TRIP12: variants seen among roughly 807,000 people sequenced by gnomAD.
TRIP12 encodes the protein thyroid hormone receptor interactor 12, also known as E3 ubiquitin-protein ligase TRIP12.
A neutral mutation model predicts 244.2 loss-of-function variants in TRIP12; 25 were observed. The observed-to-expected ratio is 0.10, with a 90% CI of 0.07 to 0.14. The LOEUF is 0.14. TRIP12 is among the 10% of genes least tolerant of loss of function. TRIP12 has a pLI of 1.00. For synonymous variants in TRIP12, 905 were observed against 873.1 expected (o/e 1.04, Z -0.64); for missense variants, 1,677 against 2,486.4 (o/e 0.67, Z 6.92).
chr2:229,894,970 G>A (rs73998706), intron 1 of TRIP12, among the ~76,000 whole-genome samples: 2 of 152,074 alleles, frequency 1.3e-5, no homozygotes, highest in Non-Finnish European at 2.9e-5. Context: ...TTTAGGCCTC[G>A]GAAAATGCTA....
chr2:229,811,145 C>G lies in TRIP12; in HGVS notation c.2046G>C (p.Gln682His). Residue 682 changes from glutamine (Q) to histidine (H), a missense_variant, in exon 14 of 42, where the codon CAG becomes CAC. By Grantham distance (24) the Gln-to-His change is conservative. Around this residue, in one of 11 missense-constraint regions of TRIP12, gnomAD observed 572 missense variants for 867.8 expected, o/e 0.66. Transcript: ENST00000675903. ...LCFARLVDNF[Q>H]HEENLLQQVA... is the part of the protein sequence containing the mutation. ...AAGACTAAACACTTACCTCCTCATG[C>G]TGGAAGTTGTCCACTAGGCGTGCAA... The G allele has an allele frequency of 6.2e-7, 1 of 1,614,046 alleles. No individual in the cohort carries two copies. Among genetic ancestry groups the G allele is most frequent in the East Asian group, 2.2e-5 (1 of 44,866 alleles).
chr2:229,895,969 G>C (rs1293277887), intron 1 of TRIP12, among the ~76,000 whole-genome samples: 2 of 151,950 alleles, frequency 1.3e-5, no homozygotes, highest in East Asian at 3.9e-4. Context: ...CTGGGCAACA[G>C]AGTGAGACAC....
At chr2:229,809,306 AT>A (rs1335765266) in intron 15 of TRIP12, among the ~76,000 whole-genome samples, 2 of 151,880 alleles carry the variant, frequency 1.3e-5, no homozygotes, top group Non-Finnish European at 1.5e-5. Flanking sequence ...TAAGGATTTT[AT>A]TTTTTTTAGA....
intron 22 of TRIP12, 92 bp from the exon 23 acceptor site, chr2:229,799,141 A>C: frequency 6.5e-7 from 1 of 1,541,162 alleles, no homozygotes; most frequent in Non-Finnish European, 8.9e-7. Context: ...TAACAGATTA[A>C]TTAACTGAAA....
intron 1 of TRIP12, among the ~76,000 whole-genome samples, chr2:229,899,939 T>C (rs1377786917): frequency 6.6e-6 from 1 of 152,208 alleles, no homozygotes; most frequent in South Asian, 2.1e-4. Flanking sequence ...ACAAACTGCA[T>C]ACCAAATATA....
chr2:229,857,141 T>C (rs1403539209), intron 4 of TRIP12, among the ~76,000 whole-genome samples: 3 of 152,184 alleles, frequency 2.0e-5, no homozygotes, highest in Admixed American at 6.5e-5. Flanking sequence ...AGAATGCTAG[T>C]AGACACTATA....
chr2:229,857,021 T>C (rs2059711060), intron 4 of TRIP12, among the ~76,000 whole-genome samples: 4 of 152,234 alleles, frequency 2.6e-5, no homozygotes, highest in African/African-American at 9.6e-5. Flanking sequence ...TTTCAGGTAA[T>C]ATGTGAATCA....
chr2:229,827,877 A>G (rs1446907064), intron 8 of TRIP12, among the ~76,000 whole-genome samples: 1 of 152,154 alleles, frequency 6.6e-6, no homozygotes, highest in Non-Finnish European at 1.5e-5. Context: ...ACCGTATTTT[A>G]TGTGTGGCCC....
chr2:229,785,359 T>C (rs913982840), intron 34 of TRIP12, among the ~76,000 whole-genome samples: 2 of 152,242 alleles, frequency 1.3e-5, no homozygotes, highest in Non-Finnish European at 2.9e-5. Context: ...GTATTCTTTA[T>C]CTTGACGTGA....
chr2:229,812,579 G>T (rs945571374), intron 13 of TRIP12, among the ~76,000 whole-genome samples: 3 of 152,120 alleles, frequency 2.0e-5, no homozygotes, highest in African/African-American at 7.2e-5. Flanking sequence ...GCTGAGACAG[G>T]TGGATCACTT....
chr2:229,814,935 T>C (rs986624370), intron 11 of TRIP12, among the ~76,000 whole-genome samples, 164 bp downstream of exon 11: 1 of 152,250 alleles, frequency 6.6e-6, no homozygotes, highest in Non-Finnish European at 1.5e-5. Flanking sequence ...AGGCTGATTC[T>C]ATCAATGATT....
intron 2 of TRIP12, among the ~76,000 whole-genome samples, chr2:229,864,047 A>AGAGAGAGAGAGAGT: frequency 9.2e-4 from 73 of 79,306 alleles, no homozygotes; most frequent in Middle Eastern, 9.1e-3. Flanking sequence ...AGAGAGAGAG[A>AGAGAGAGAGAGAGT]GTGTGTGTGT....
intron 1 of TRIP12, among the ~76,000 whole-genome samples, chr2:229,881,621 G>C (rs2064896323): frequency 6.6e-6 from 1 of 152,038 alleles, no homozygotes; most frequent in Non-Finnish European, 1.5e-5. Flanking sequence ...ACTTTAATTA[G>C]AAAGTTCAAA....
At chr2:229,918,680 C>A (rs2154383155) in intron 1 of TRIP12, among the ~76,000 whole-genome samples, 1 of 152,082 alleles carries the variant, frequency 6.6e-6, no homozygotes, top group Admixed American at 6.5e-5. Context: ...AAAATGAGAC[C>A]CAAATTCTAC....
chr2:229,860,327 C>A, intron 3 of TRIP12, 79 bp downstream of exon 3: 1 of 1,499,406 alleles, frequency 6.7e-7, no homozygotes, highest in Non-Finnish European at 8.9e-7. Flanking sequence ...TTTGGAATAA[C>A]CTCAAGTTTT....
At chr2:229,802,737 A>C (rs2044708066) in intron 20 of TRIP12, among the ~76,000 whole-genome samples, 1 of 152,242 alleles carries the variant, frequency 6.6e-6, no homozygotes, top group Non-Finnish European at 1.5e-5. Flanking sequence ...ACAAAGTCCT[A>C]TTCAGAGTTC....
intron 37 of TRIP12, among the ~76,000 whole-genome samples, chr2:229,776,122 T>C (rs1315315791): frequency 6.6e-6 from 1 of 152,156 alleles, no homozygotes; most frequent in Non-Finnish European, 1.5e-5. Context: ...TTAGGCAGGT[T>C]GCTCAATCTG....
At chr2:229,838,952 A>C (rs2055595966) in intron 5 of TRIP12, among the ~76,000 whole-genome samples, 1 of 152,212 alleles carries the variant, frequency 6.6e-6, no homozygotes, top group African/African-American at 2.4e-5. Context: ...AACCAAAAGA[A>C]GTGGAAAGAC....
chr2:229,874,430 T>C (rs920382791), intron 2 of TRIP12, among the ~76,000 whole-genome samples: 2 of 152,156 alleles, frequency 1.3e-5, no homozygotes, highest in Non-Finnish European at 2.9e-5. Flanking sequence ...GAATTCGACT[T>C]GATAAAACCA....
Sources: allele counts gnomAD v4.1 joint callset (sites outside exome capture counted in the v4.1 genomes callset), GRCh38; gene constraint gnomAD v4.1.1; regional missense constraint gnomAD v4.1.1; transcripts MANE v1.5; gene names NCBI Gene and HGNC (gene_info 2026-07-23, HGNC 2026-07-21).